MPDZ: variants seen among roughly 807,000 people sequenced by gnomAD.
MPDZ encodes the protein multiple PDZ domain crumbs cell polarity complex component.
In MPDZ, 234 loss-of-function variants were observed where a neutral mutation model predicts 239.1. That is an observed-to-expected ratio of 0.98 (90% CI 0.88 to 1.09). The LOEUF (loss-of-function observed/expected upper bound fraction) is 1.09, where lower values mean the gene tolerates loss of function less well. Ranked by LOEUF, MPDZ falls within the 50% of genes least tolerant of loss-of-function variation. The pLI, the probability that MPDZ is intolerant of heterozygous loss-of-function variation, is 0.00. For missense variants in MPDZ, 3,175 were observed against 2,510.0 expected (o/e 1.26, Z -5.66); for synonymous variants, 1,048 against 881.3 (o/e 1.19, Z -3.35).
rs796955615 is a variant in MPDZ, at chr9:13,136,222, T to C, written c.4293-40A>G. The stretch of plus-strand genomic sequence containing the variant: ...ACAACAACCTATTATAACATCATGG[T>C]ATTATTTTCATTCTCTTACTTCAAG... On this transcript the variant is annotated intron_variant, in intron 30 of 46. Coordinates refer to ENST00000319217, the MANE Select transcript of MPDZ (RefSeq NM_001378778.1). 6.5e-6 allele frequency: 9 copies of C among 1,380,054 alleles called. 1 individual carries two copies. The African/African-American group carries it at 1.3e-4, about 20-fold the overall frequency. The allele number at this position is 1,380,054 out of a possible 1,614,324, so 85.5% of individuals were successfully genotyped here. A position where few individuals can be genotyped will look rare whatever the true frequency, so the allele number is the denominator to read the frequency against.
intron 10 of MPDZ, among the ~76,000 whole-genome samples, chr9:13,215,201 G>C (rs1246344806): frequency 1.3e-5 from 2 of 151,762 alleles, no homozygotes; most frequent in Non-Finnish European, 2.9e-5. Context: ...CTTCATATCA[G>C]TGAAATCGTA....
intron 45 of MPDZ, 118 bp downstream of exon 45, chr9:13,109,834 A>C (rs895530390): frequency 5.2e-6 from 4 of 773,620 alleles, no homozygotes; most frequent in African/African-American, 1.7e-5. Flanking sequence ...CACACTTCAT[A>C]TATCCTATCA....
rs767904915 is a variant in MPDZ, at chr9:13,250,332, T to G, written c.-17A>C. The G allele has an allele frequency of 1.9e-6, 3 of 1,581,930 alleles. No individual in the cohort carries two copies. In the South Asian group the frequency reaches 3.5e-5, roughly 18 times the overall value. On this transcript the variant is annotated 5_prime_UTR_variant, in exon 2 of 47. Coordinates refer to ENST00000319217, the MANE Select transcript of MPDZ (RefSeq NM_001378778.1). ...TTCCAACATTTTTTTCAAAGTTCAG[T>G]GTTCTTCTCTGAAATGATTAACAGC...
chr9:13,117,710 G>A (rs1346864609), intron 39 of MPDZ, among the ~76,000 whole-genome samples: 1 of 152,120 alleles, frequency 6.6e-6, no homozygotes, highest in African/African-American at 2.4e-5. Context: ...CGTGCATGAA[G>A]TTGTGTATAG....
At chr9:13,247,381 G>A (rs1214174678) in intron 3 of MPDZ, among the ~76,000 whole-genome samples, 1 of 152,028 alleles carries the variant, frequency 6.6e-6, no homozygotes, top group African/African-American at 2.4e-5. Flanking sequence ...CGTTTTTCCT[G>A]TAGAAACTCA....
intron 3 of MPDZ, among the ~76,000 whole-genome samples, chr9:13,243,712 A>C (rs1965948859): frequency 6.6e-6 from 1 of 152,220 alleles, no homozygotes; most frequent in Admixed American, 6.5e-5. Flanking sequence ...CAGTTATTTC[A>C]AGAGTTGTCA....
At chr9:13,256,910 G>C (rs1969576233) in intron 1 of MPDZ, among the ~76,000 whole-genome samples, 1 of 152,122 alleles carries the variant, frequency 6.6e-6, no homozygotes, top group Non-Finnish European at 1.5e-5. Flanking sequence ...TGCAATATCT[G>C]CAAAGCACAA....
chr9:13,202,265 A>G (rs1956474352), intron 12 of MPDZ, among the ~76,000 whole-genome samples: 1 of 152,174 alleles, frequency 6.6e-6, no homozygotes, highest in Non-Finnish European at 1.5e-5. Flanking sequence ...TACAGTGAGC[A>G]CTGAAAATTA....
chr9:13,261,594 G>A (rs1311369120), intron 1 of MPDZ, among the ~76,000 whole-genome samples: 1 of 152,154 alleles, frequency 6.6e-6, no homozygotes, highest in African/African-American at 2.4e-5. Flanking sequence ...TAATCCTACA[G>A]GAGAGATAGT....
intron 22 of MPDZ, chr9:13,165,529 T>A (rs1587431369): frequency 8.4e-7 from 1 of 1,192,398 alleles, no homozygotes; most frequent in African/African-American, 1.5e-5. Context: ...TGGTTGTTTT[T>A]TTTCCCCCTT....
chr9:13,131,590 T>C (rs1946007656), intron 32 of MPDZ, among the ~76,000 whole-genome samples: 1 of 152,128 alleles, frequency 6.6e-6, no homozygotes. Flanking sequence ...GCATAAATAA[T>C]CCTTCATAAA....
intron 21 of MPDZ, among the ~76,000 whole-genome samples, chr9:13,175,546 G>C (rs551492633): frequency 6.6e-6 from 1 of 152,158 alleles, no homozygotes; most frequent in South Asian, 2.1e-4. Context: ...TGAATTAAGA[G>C]AATGAGGGAT....
intron 12 of MPDZ, among the ~76,000 whole-genome samples, chr9:13,199,205 T>C (rs1956087476): frequency 6.6e-6 from 1 of 152,092 alleles, no homozygotes; most frequent in Admixed American, 6.6e-5. Context: ...TTCTGTAGGT[T>C]TCACTGCAGA....
At position 13,236,267 on chromosome 9, in the gene MPDZ, ATTTTTTT is replaced by A. The variant is rs1158772302; in HGVS notation, c.183+11361_183+11367del. 5.8e-3 allele frequency among the ~76,000 whole-genome samples: 117 copies of A among 20,046 alleles called. 6 individuals carry two copies. Among genetic ancestry groups the A allele is most frequent in the African/African-American group, 0.011 (59 of 5,532 alleles). The allele number at this position is 20,046 out of a possible 152,430, so 13.2% of individuals were successfully genotyped here. A position where few individuals can be genotyped will look rare whatever the true frequency, so the allele number is the denominator to read the frequency against. On this transcript the variant is annotated intron_variant, in intron 3 of 46. Coordinates refer to ENST00000319217, the MANE Select transcript of MPDZ (RefSeq NM_001378778.1). ...TGTGTGTGTATATATATATATATAT[ATTTTTTT>A]TTTTTTTTTTTTTTTTTTTTGAGAC... is the stretch of plus-strand genomic sequence containing the variant.
intron 12 of MPDZ, among the ~76,000 whole-genome samples, chr9:13,198,526 C>T (rs73406300): frequency 6.6e-6 from 1 of 151,652 alleles, no homozygotes; most frequent in Admixed American, 6.6e-5. Context: ...TATTTTCTCT[C>T]ATTCTTTGGG....
rs760678078 is a variant in MPDZ at position 13,247,657 on chromosome 9, G to A, written c.161C>T (p.Ser54Phe). ...TACCTGGTCTTTCAGCTGCTGTACA[G>A]AAGTCTGAAGGCTCAGAATCTGACT... is the stretch of plus-strand genomic sequence containing the variant. ...LFSQILSLQT[S>F]VQQLKDQVNI... Residue 54 changes from serine to phenylalanine, a missense_variant, in exon 3 of 47, where the codon TCT (serine) becomes TTT (phenylalanine). Transcript: ENST00000319217. The A allele has an allele frequency of 1.9e-6, 3 of 1,613,082 alleles. No homozygotes were observed. In the South Asian group the frequency reaches 3.3e-5, roughly 18 times the overall value.
chr9:13,152,379 G>C (rs1366912178), intron 24 of MPDZ, among the ~76,000 whole-genome samples: 1 of 152,088 alleles, frequency 6.6e-6, no homozygotes, highest in East Asian at 1.9e-4. Flanking sequence ...GACCCGGTGG[G>C]AGGTAATTGA....
Position 13,224,653 on chromosome 9 carries a change from G to A in MPDZ, c.184-70C>T, listed in dbSNP as rs537485084. ...ACTATTTCATAGAAAATATCCCAAG[G>A]GTACAAGGACATACAAATGAAATTT... On this transcript the variant is annotated intron_variant, in intron 3 of 46. Coordinates refer to ENST00000319217, the MANE Select transcript of MPDZ (RefSeq NM_001378778.1). 17 of 1,042,230 alleles carry A rather than the reference G, an allele frequency of 1.6e-5. No homozygotes were observed. In the African/African-American group the frequency reaches 1.9e-4, roughly 12 times the overall value. 64.6% of individuals were successfully genotyped at this position (1,042,230 alleles called of 1,614,324 possible).
chr9:13,136,349 T>TTTTTTTTTTTTTTTTTTTTTTTTTTTTA (rs1946782722), intron 30 of MPDZ, among the ~76,000 whole-genome samples, 167 bp from the exon 31 acceptor site: 1 of 140,998 alleles, frequency 7.1e-6, no homozygotes, highest in African/African-American at 2.7e-5. Context: ...TTTTTTTTTT[T>TTTTTTTTTTTTTTTTTTTTTTTTTTTTA]GAGACAGAGT....
Sources: gnomAD v4.1 joint callset for allele counts (sites outside exome capture counted in the v4.1 genomes callset) on GRCh38, gnomAD v4.1.1 for gene constraint, MANE v1.5 for transcripts, NCBI Gene and HGNC (gene_info 2026-07-23, HGNC 2026-07-21) for gene names.